The following RAB3GAP2 variants were observed in gnomAD, a reference collection of about 807,000 sequenced individuals.
RAB3GAP2 encodes rab3 GTPase-activating protein non-catalytic subunit.
RAB3GAP2 carries 87 observed loss-of-function variants against 185.3 expected under a neutral mutation model. That is an observed-to-expected ratio of 0.47 (90% CI 0.39 to 0.56). RAB3GAP2 has a LOEUF of 0.56. Among genes scored for constraint, RAB3GAP2 ranks in the 20% least tolerant of loss-of-function variants. The pLI, the probability that RAB3GAP2 is intolerant of heterozygous loss-of-function variation, is 0.00. For synonymous variants in RAB3GAP2, 554 were observed against 576.1 expected (o/e 0.96, Z 0.55); for missense variants, 1,492 against 1,638.2 (o/e 0.91, Z 1.54).
At position 220,211,103 on chromosome 1, in the gene RAB3GAP2, T is replaced by C. The variant is rs1659078063; in HGVS notation, c.387-101A>G. The C allele has an allele frequency of 3.5e-6, 4 of 1,140,116 alleles. No homozygotes were observed. In the East Asian group the frequency reaches 7.5e-5, roughly 21 times the overall value. The allele number at this position is 1,140,116 out of a possible 1,614,324, so 70.6% of individuals were successfully genotyped here. A position where few individuals can be genotyped will look rare whatever the true frequency, so the allele number is the denominator to read the frequency against. On this transcript the variant is annotated intron_variant, in intron 4 of 34. Coordinates refer to ENST00000358951, the MANE Select transcript of RAB3GAP2 (RefSeq NM_012414.4). ...AAAGGATAATAACTGGAAGATGACT[T>C]CTGTGAACCAGTTTTATTTGATGCA...
At chr1:220,217,118 A>G (rs1481558192) in intron 2 of RAB3GAP2, among the ~76,000 whole-genome samples, 3 of 152,054 alleles carry the variant, frequency 2.0e-5, no homozygotes, top group African/African-American at 4.8e-5. Context: ...TCAGAGCCCA[A>G]ACTAAAATCT....
chr1:220,167,672 C>A lies in RAB3GAP2; in HGVS notation c.2810G>T (p.Gly937Val), dbSNP rs150834670. The change falls in exon 25 of 35, where the codon GGC (glycine) becomes GTC (valine). Residue 937 changes from glycine (G) to valine (V), a missense_variant. By Grantham distance (109) the Gly-to-Val change is moderately radical (BLOSUM62 -3). Coordinates refer to ENST00000358951, the MANE Select transcript of RAB3GAP2 (RefSeq NM_012414.4). ...VKKLLEGGKG[G>V]IADSVAKWIF... is the part of the protein sequence containing the mutation. ...CCACTTGGCTACACTGTCTGCAATGCCACCTATAGTTTGGAGACAAGAAAG... is the reference window on the plus strand; with the variant it reads ...CCACTTGGCTACACTGTCTGCAATGACACCTATAGTTTGGAGACAAGAAAG... The A allele has an allele frequency of 6.2e-7, 1 of 1,613,444 alleles. No homozygotes were observed. The highest frequency in any genetic ancestry group is 1.3e-5 in the African/African-American group (1 of 74,920).
intron 9 of RAB3GAP2, among the ~76,000 whole-genome samples, chr1:220,198,663 T>C (rs1658775764): frequency 6.6e-6 from 1 of 152,206 alleles, no homozygotes; most frequent in African/African-American, 2.4e-5. Context: ...AGGAATGATA[T>C]AAGCATTACT....
At chr1:220,164,462 TTTTTTGTTTTG>T (rs1658026489) in intron 27 of RAB3GAP2, among the ~76,000 whole-genome samples, 3 of 146,014 alleles carry the variant, frequency 2.1e-5, no homozygotes, top group African/African-American at 7.7e-5. Flanking sequence ...TTTTGTTTTG[TTTTTTGTTTTG>T]TTTTTTTTTT....
At chr1:220,243,947 A>G (rs1659750619) in intron 1 of RAB3GAP2, among the ~76,000 whole-genome samples, 1 of 152,226 alleles carries the variant, frequency 6.6e-6, no homozygotes, top group South Asian at 2.1e-4. Flanking sequence ...TATATGACAA[A>G]CCCACAGCCA....
At chr1:220,152,506 C>T (rs1163573559) in intron 33 of RAB3GAP2, among the ~76,000 whole-genome samples, 2 of 152,200 alleles carry the variant, frequency 1.3e-5, no homozygotes, top group Admixed American at 6.5e-5. Context: ...TTTGGTCAGC[C>T]ATACTGGCCT....
chr1:220,180,325 T>A (rs1006611179), intron 21 of RAB3GAP2, among the ~76,000 whole-genome samples: 1 of 151,160 alleles, frequency 6.6e-6, no homozygotes, highest in African/African-American at 2.4e-5. Context: ...AAATTGAGAA[T>A]AAAAAAATTA....
intron 2 of RAB3GAP2, among the ~76,000 whole-genome samples, chr1:220,223,438 G>A (rs568028483): frequency 2.6e-5 from 4 of 152,106 alleles, no homozygotes; most frequent in South Asian, 2.1e-4. Flanking sequence ...AATGGTATGC[G>A]TTCCCCAAAA....
intron 1 of RAB3GAP2, among the ~76,000 whole-genome samples, chr1:220,265,289 A>C (rs1660209875): frequency 6.6e-6 from 1 of 152,110 alleles, no homozygotes; most frequent in Non-Finnish European, 1.5e-5. Context: ...TTGCTTAAAA[A>C]CATGAATTGA....
chr1:220,193,708 C>T (rs923122533), intron 12 of RAB3GAP2, among the ~76,000 whole-genome samples: 1 of 152,152 alleles, frequency 6.6e-6, no homozygotes, highest in Non-Finnish European at 1.5e-5. Context: ...AGAATATGCT[C>T]CCACACAGGC....
chr1:220,153,881 A>G (rs1194859784), intron 32 of RAB3GAP2, 87 bp downstream of exon 32: 1 of 1,566,588 alleles, frequency 6.4e-7, no homozygotes, highest in Non-Finnish European at 8.7e-7. Flanking sequence ...GATAGAAAGT[A>G]GTCATTCTTT....
At chr1:220,222,216 C>T (rs1379226016) in intron 2 of RAB3GAP2, among the ~76,000 whole-genome samples, 1 of 151,324 alleles carries the variant, frequency 6.6e-6, no homozygotes, top group East Asian at 1.9e-4. Context: ...AGGATTTTTT[C>T]TTTTTTTTTC....
intron 1 of RAB3GAP2, chr1:220,267,282 A>G (rs1660245253): frequency 1.1e-6 from 1 of 918,002 alleles, no homozygotes; most frequent in Admixed American, 1.7e-5. Flanking sequence ...CAAGTGGTGT[A>G]TATTCCAGAA....
intron 2 of RAB3GAP2, among the ~76,000 whole-genome samples, chr1:220,215,769 T>C (rs2102883273): frequency 6.6e-6 from 1 of 152,274 alleles, no homozygotes; most frequent in Middle Eastern, 3.4e-3. Flanking sequence ...CTGGGTTTGA[T>C]GTCATGTAGA....
chr1:220,208,537 C>G (rs1013922701), intron 7 of RAB3GAP2, among the ~76,000 whole-genome samples: 11 of 152,254 alleles, frequency 7.2e-5, no homozygotes, highest in African/African-American at 2.4e-4. Flanking sequence ...TTCCTACCAT[C>G]GCCTCAAACT....
At chr1:220,182,639 C>A in intron 20 of RAB3GAP2, 79 bp downstream of exon 20, 6 of 1,279,060 alleles carry the variant, frequency 4.7e-6, no homozygotes, top group Non-Finnish European at 6.4e-6. Flanking sequence ...CAAATGGAAT[C>A]TCTGAGATGC....
chr1:220,259,883 A>C (rs1250193360), intron 1 of RAB3GAP2, among the ~76,000 whole-genome samples: 1 of 152,232 alleles, frequency 6.6e-6, no homozygotes, highest in Non-Finnish European at 1.5e-5. Context: ...AACTTAAACA[A>C]ATTTACAAGA....
chr1:220,174,019 C>CAAAAAAAAAAAAA (rs398050108), intron 21 of RAB3GAP2, among the ~76,000 whole-genome samples: 1 of 51,000 alleles, frequency 2.0e-5, no homozygotes, highest in Non-Finnish European at 4.0e-5. Context: ...GACTCTGTCT[C>CAAAAAAAAAAAAA]AAAAAAAAAA....
At chr1:220,157,609 A>G in intron 30 of RAB3GAP2, 121 bp from the exon 31 acceptor site, 1 of 1,096,396 alleles carries the variant, frequency 9.1e-7, no homozygotes, top group Non-Finnish European at 1.3e-6. Context: ...CCAAATTGTA[A>G]TAAAAAAACA....
Sources: gnomAD v4.1 joint callset for allele counts (sites outside exome capture counted in the v4.1 genomes callset) on GRCh38, gnomAD v4.1.1 for gene constraint, MANE v1.5 for transcripts, NCBI Gene and HGNC (gene_info 2026-07-23, HGNC 2026-07-21) for gene names.